The following BIN2 variants were observed in gnomAD, a reference collection of about 807,000 sequenced individuals.
The protein encoded by BIN2 is breast cancer associated protein BRAP1.
A neutral mutation model predicts 67.9 loss-of-function variants in BIN2; 43 were observed. The observed-to-expected ratio is 0.63, with a 90% CI of 0.50 to 0.82. BIN2 has a LOEUF of 0.82. Among genes scored for constraint, BIN2 ranks in the 40% least tolerant of loss-of-function variants. The pLI, the probability that BIN2 is intolerant of heterozygous loss-of-function variation, is 0.00. For missense variants in BIN2, 581 were observed against 671.6 expected (o/e 0.87, Z 1.49); for synonymous variants, 244 against 246.8 (o/e 0.99, Z 0.11).
intron 5 of BIN2, among the ~76,000 whole-genome samples, chr12:51,301,380 C>G (rs758760573): frequency 6.6e-6 from 1 of 152,124 alleles, no homozygotes; most frequent in Non-Finnish European, 1.5e-5. Flanking sequence ...TTTGATTGCT[C>G]CATGTTTCCT....
intron 4 of BIN2, 158 bp downstream of exon 4, chr12:51,302,528 G>A: frequency 1.5e-6 from 1 of 672,254 alleles, no homozygotes; most frequent in Admixed American, 2.6e-5. Context: ...CTTAACAGTT[G>A]TAGCTTCTTC....
rs1163870830 is a variant in BIN2, at chr12:51,295,577, AATATATATATATATATATATATATATAT to A, written c.761+191_761+218del. ...GACTCCGTCTCAAAAAAAAAAAAAA[AATATATATATATATATATATATATATAT>A]ATATATATATATATATATATATATA... On this transcript the variant is annotated intron_variant, in intron 9 of 12. Coordinates refer to ENST00000615107, the MANE Select transcript of BIN2 (RefSeq NM_016293.4). 4.4e-3 allele frequency among the ~76,000 whole-genome samples: 130 copies of A among 29,542 alleles called. 16 individuals carry two copies. Among genetic ancestry groups the A allele is most frequent in the African/African-American group, 0.015 (116 of 7,718 alleles). The allele number at this position is 29,542 out of a possible 152,430, so 19.4% of individuals were successfully genotyped here.
chr12:51,312,544 A>G (rs554435513), intron 2 of BIN2, among the ~76,000 whole-genome samples: 7 of 152,334 alleles, frequency 4.6e-5, no homozygotes, highest in African/African-American at 1.7e-4. Context: ...TAGGTTGCCG[A>G]ATGAAATGAT....
At chr12:51,322,192 A>G (rs1946300157) in intron 1 of BIN2, among the ~76,000 whole-genome samples, 1 of 152,120 alleles carries the variant, frequency 6.6e-6, no homozygotes, top group Admixed American at 6.5e-5. Context: ...TTCTTACCAT[A>G]TTGAGTTTCA....
chr12:51,283,278 A>T (rs1008326952), intron 12 of BIN2, among the ~76,000 whole-genome samples: 1 of 151,758 alleles, frequency 6.6e-6, no homozygotes, highest in Non-Finnish European at 1.5e-5. Context: ...AAAAAAAAAA[A>T]AAAAAGTTCT....
intron 5 of BIN2, 95 bp downstream of exon 5, chr12:51,301,925 G>A (rs964983468): frequency 8.3e-6 from 7 of 843,934 alleles, no homozygotes; most frequent in East Asian, 5.2e-5. Context: ...ATTCTTAATC[G>A]TGAGTTCTAA....
chr12:51,302,731 G>A lies in BIN2; in HGVS notation c.267C>T (p.Tyr89=), dbSNP rs1945761774. Reference sequence around the variant, plus strand: ...CCTCATGACCGTCCCACTCGCTGCTGTAGATCTCCTGCAGGGTTTCTGACA... The same window carrying A: ...CCTCATGACCGTCCCACTCGCTGCTATAGATCTCCTGCAGGGTTTCTGACA... ...KRVSETLQEI[Y]SSEWDGHEEL... The change falls in exon 4 of 13, where the codon TAC becomes TAT. Residue 89 remains tyrosine (Y), a synonymous_variant. Transcript: ENST00000615107. 4 of 1,614,108 alleles carry A rather than the reference G, an allele frequency of 2.5e-6. No individual in the cohort carries two copies. The Admixed American group carries it at 5.0e-5, about 20-fold the overall frequency.
intron 11 of BIN2, 93 bp downstream of exon 11, chr12:51,288,015 C>T: frequency 1.2e-6 from 1 of 861,396 alleles, no homozygotes; most frequent in Non-Finnish European, 1.8e-6. Context: ...AGACTGAAGG[C>T]CTCTGAAAGA....
chr12:51,323,976 C>G (rs746498529), intron 1 of BIN2, 46 bp downstream of exon 1: 3 of 1,604,962 alleles, frequency 1.9e-6, no homozygotes, highest in Non-Finnish European at 2.6e-6. Context: ...CGGCCTCGGC[C>G]TCGGCTCCCT....
intron 1 of BIN2, among the ~76,000 whole-genome samples, chr12:51,314,665 G>A (rs1465153187): frequency 6.6e-6 from 1 of 151,920 alleles, no homozygotes; most frequent in Non-Finnish European, 1.5e-5. Context: ...TGGGCATGGT[G>A]GTGCATGCCT....
intron 8 of BIN2, 91 bp downstream of exon 8, chr12:51,296,998 C>T (rs1177240598): frequency 2.4e-5 from 29 of 1,207,366 alleles, no homozygotes; most frequent in Non-Finnish European, 3.1e-5. Flanking sequence ...GGTGCCAATA[C>T]GGATATTTAA....
rs774206846 is a variant in BIN2 at position 51,292,334 on chromosome 12, G to A, written c.772C>T (p.Arg258Cys). The A allele has an allele frequency of 1.5e-5, 24 of 1,567,864 alleles. No homozygotes were observed. The highest frequency in any genetic ancestry group is 6.8e-5 in the South Asian group (6 of 88,048). ...ACTGGGGGAGAAATGACTAAAGAGC[G>A]CCTGCTGCTGCTAAAAAAGGAAGGT... ...VVKGLSSSSR[R>C]SLVISPPVRT... is the part of the protein sequence containing the mutation. The change falls in exon 10 of 13, where the codon CGC becomes TGC. Residue 258 changes from arginine (R) to cysteine (C), a missense_variant. Physicochemically the swap from Arg to Cys is radical, Grantham distance 180. Transcript: ENST00000615107.
chr12:51,307,524 C>T (rs570573059), intron 2 of BIN2, among the ~76,000 whole-genome samples: 56 of 151,850 alleles, frequency 3.7e-4, no homozygotes, highest in African/African-American at 1.3e-3. Flanking sequence ...GCCTGGCCAA[C>T]ATGGTGAAAC....
At chr12:51,313,299 ACAGT>A (rs1196116423) in intron 2 of BIN2, among the ~76,000 whole-genome samples, 1 of 151,962 alleles carries the variant, frequency 6.6e-6, no homozygotes, top group African/African-American at 2.4e-5. Flanking sequence ...TCCCAAAATG[ACAGT>A]CAGCAGCAAG....
At chr12:51,316,478 A>G (rs1223812694) in intron 1 of BIN2, among the ~76,000 whole-genome samples, 1 of 152,154 alleles carries the variant, frequency 6.6e-6, no homozygotes, top group African/African-American at 2.4e-5. Context: ...CCTGGGTGAC[A>G]GAGGGAAATT....
Position 51,319,633 on chromosome 12 carries a change from A to G in BIN2, c.81+4389T>C, listed in dbSNP as rs951473589. Reference sequence around the variant, plus strand: ...ATATAGATATTTAAGGAGAAAGAGCAAGAGCAAGGCAAAAAAGTAAATGTG... The same window carrying G: ...ATATAGATATTTAAGGAGAAAGAGCGAGAGCAAGGCAAAAAAGTAAATGTG... On this transcript the variant is annotated intron_variant, in intron 1 of 12. Transcript: ENST00000615107. Among the ~76,000 whole-genome samples, 5 of 152,248 alleles carry G rather than the reference A, an allele frequency of 3.3e-5. No homozygotes were observed. The South Asian group carries it at 1.0e-3, about 31-fold the overall frequency.
At chr12:51,283,529 A>G (rs1945165399) in intron 12 of BIN2, among the ~76,000 whole-genome samples, 2 of 151,876 alleles carry the variant, frequency 1.3e-5, no homozygotes, top group South Asian at 4.1e-4. Context: ...CCCAGGTTGT[A>G]TTTGAACTCG....
At chr12:51,295,619 TA>T (rs1945543603) in intron 9 of BIN2, among the ~76,000 whole-genome samples, 176 bp downstream of exon 9, 1 of 66,520 alleles carries the variant, frequency 1.5e-5, no homozygotes, top group Non-Finnish European at 3.3e-5. Flanking sequence ...TATATATATA[TA>T]TATATATATA....
chr12:51,313,817 G>A lies in BIN2; in HGVS notation c.162+6C>T, dbSNP rs780775828. 2 of 1,610,640 alleles carry A rather than the reference G, an allele frequency of 1.2e-6. No homozygotes were observed. Among genetic ancestry groups the A allele is most frequent in the Non-Finnish European group, 1.7e-6 (2 of 1,177,126 alleles). On this transcript the variant is annotated splice_donor_region_variant and intron_variant, in intron 2 of 12. Coordinates refer to ENST00000615107, the MANE Select transcript of BIN2 (RefSeq NM_016293.4). Reference sequence around the variant, plus strand: ...CCAAGCTTCCCTCCCCTACCCTCCAGATTACCTGTTGTTGGTAGAAGTTGC... The same window carrying A: ...CCAAGCTTCCCTCCCCTACCCTCCAAATTACCTGTTGTTGGTAGAAGTTGC...
Sources: gnomAD v4.1 joint callset for allele counts (sites outside exome capture counted in the v4.1 genomes callset) on GRCh38, gnomAD v4.1.1 for gene constraint, MANE v1.5 for transcripts, NCBI Gene and HGNC (gene_info 2026-07-23, HGNC 2026-07-21) for gene names.